CSGALNACT2: variants seen among roughly 807,000 people sequenced by gnomAD.
The protein encoded by CSGALNACT2 is chondroitin sulfate N-acetylgalactosaminyltransferase 2.
In CSGALNACT2, 35 loss-of-function variants were observed where a neutral mutation model predicts 55.3. The ratio of observed to expected loss-of-function variants is 0.63; its 90% CI spans 0.48 to 0.84. The LOEUF is 0.84. CSGALNACT2 is among the 40% of genes least tolerant of loss of function. The pLI is 0.00. For synonymous variants in CSGALNACT2, 196 were observed against 224.9 expected, an observed-to-expected ratio of 0.87 and a Z score of 1.15; for missense variants, 544 against 657.5, an observed-to-expected ratio of 0.83 and a Z score of 1.89.
intron 1 of CSGALNACT2, among the ~76,000 whole-genome samples, chr10:43,141,574 G>A (rs1160442795): frequency 7.3e-5 from 2 of 27,324 alleles, no homozygotes; most frequent in African/African-American, 3.8e-4. Context: ...AGCTGTTCAG[G>A]CAGTGGAGGC....
At chr10:43,170,166 GA>G (rs1839354983) in intron 6 of CSGALNACT2, among the ~76,000 whole-genome samples, 1 of 152,230 alleles carries the variant, frequency 6.6e-6, no homozygotes, top group Non-Finnish European at 1.5e-5. Context: ...TTGGGATTAA[GA>G]TGTCAGCGGG....
At position 43,152,508 on chromosome 10, in the gene CSGALNACT2, T is replaced by A. The variant is rs12241859; in HGVS notation, c.-253-2389T>A. The stretch of plus-strand genomic sequence containing the variant: ...ATATTAAGTAGGATATCTCAAAACC[T>A]GTATTTCCCTTAAAGGGAAGAGGAA... On this transcript the variant is annotated intron_variant, in intron 1 of 7. Coordinates refer to ENST00000374466, the MANE Select transcript of CSGALNACT2 (RefSeq NM_018590.5). Among the ~76,000 whole-genome samples, 187 of 152,328 alleles carry A rather than the reference T, an allele frequency of 1.2e-3. 2 individuals carry two copies. Among genetic ancestry groups the A allele is most frequent in the African/African-American group, 4.4e-3 (181 of 41,590 alleles).
intron 1 of CSGALNACT2, among the ~76,000 whole-genome samples, chr10:43,145,605 C>T: frequency 6.6e-6 from 1 of 151,870 alleles, no homozygotes; most frequent in Non-Finnish European, 1.5e-5. Context: ...GGCAAGGTCT[C>T]GCTAGCTATA....
chr10:43,140,990 A>G (rs2133084156), intron 1 of CSGALNACT2, among the ~76,000 whole-genome samples: 1 of 152,360 alleles, frequency 6.6e-6, no homozygotes, highest in Non-Finnish European at 1.5e-5. Context: ...TAAAGTAAGT[A>G]TTAGTATCTT....
intron 7 of CSGALNACT2, among the ~76,000 whole-genome samples, chr10:43,179,097 A>C (rs1464508773): frequency 6.6e-6 from 1 of 151,942 alleles, no homozygotes; most frequent in Non-Finnish European, 1.5e-5. Context: ...CTTTATTAAT[A>C]CTCTATGTGA....
chr10:43,166,251 G>C (rs1214095635), intron 5 of CSGALNACT2, among the ~76,000 whole-genome samples: 1 of 152,202 alleles, frequency 6.6e-6, no homozygotes, highest in Non-Finnish European at 1.5e-5. Context: ...ATCCCTAAAT[G>C]TATTTGAACA....
In CSGALNACT2 at chr10:43,146,788, A is replaced by G. The variant is rs1838758525; in HGVS notation, c.-253-8109A>G. On this transcript the variant is annotated intron_variant, in intron 1 of 7. Transcript: ENST00000374466. ...CTTGTTAAGTTCATAACTTATTAAC[A>G]AAACTATTTTATATTCCCATCAGCA... Among the ~76,000 whole-genome samples, 3 of 151,820 alleles carry G rather than the reference A, an allele frequency of 2.0e-5. No homozygotes were observed. In the South Asian group the frequency reaches 6.2e-4, roughly 32 times the overall value.
chr10:43,138,623 C>G (rs907607908), intron 1 of CSGALNACT2, 56 bp downstream of exon 1: 1 of 151,332 alleles, frequency 6.6e-6, no homozygotes, highest in South Asian at 2.1e-4. Flanking sequence ...GGCTCCGGCC[C>G]GGGCGGTGCG....
intron 6 of CSGALNACT2, among the ~76,000 whole-genome samples, chr10:43,171,983 G>A (rs1839391178): frequency 6.6e-6 from 1 of 152,168 alleles, no homozygotes; most frequent in Non-Finnish European, 1.5e-5. Flanking sequence ...TCTGCTGTTA[G>A]GTCACTGCTT....
intron 5 of CSGALNACT2, among the ~76,000 whole-genome samples, chr10:43,166,576 T>A (rs1741464831): frequency 6.6e-6 from 1 of 152,250 alleles, no homozygotes; most frequent in South Asian, 2.1e-4. Flanking sequence ...TATCTATTCA[T>A]TGTACAGTAT....
At chr10:43,178,349 A>G (rs774954547) in intron 7 of CSGALNACT2, among the ~76,000 whole-genome samples, 9 of 152,186 alleles carry the variant, frequency 5.9e-5, no homozygotes, top group Non-Finnish European at 1.2e-4. Flanking sequence ...CAGGCCAGGC[A>G]CGGTGGCTCA....
intron 4 of CSGALNACT2, chr10:43,163,216 G>A (rs1839189940): frequency 2.0e-6 from 2 of 984,816 alleles, no homozygotes; most frequent in African/African-American, 3.5e-5. Flanking sequence ...CTCCAGACAT[G>A]AGCGATGTAT....
At chr10:43,177,952 CA>C (rs763825878) in intron 7 of CSGALNACT2, among the ~76,000 whole-genome samples, 1 of 152,210 alleles carries the variant, frequency 6.6e-6, no homozygotes, top group Non-Finnish European at 1.5e-5. Context: ...TTTCTAGTAT[CA>C]CCCATGATAG....
intron 1 of CSGALNACT2, among the ~76,000 whole-genome samples, chr10:43,140,472 A>G (rs1328286547): frequency 6.6e-6 from 1 of 152,216 alleles, no homozygotes; most frequent in African/African-American, 2.4e-5. Flanking sequence ...TGATTCATTC[A>G]TTACCATGTT....
intron 7 of CSGALNACT2, among the ~76,000 whole-genome samples, chr10:43,178,305 T>C (rs1188134840): frequency 6.6e-6 from 1 of 152,210 alleles, no homozygotes. Flanking sequence ...CCATATACTT[T>C]AAACCATCTC....
At chr10:43,160,412 G>A (rs1310232043) in intron 3 of CSGALNACT2, 82 bp from the exon 4 acceptor site, 2 of 722,900 alleles carry the variant, frequency 2.8e-6, no homozygotes, top group East Asian at 2.5e-5. Context: ...TCATTTTCTT[G>A]TTAAAGCTTC....
chr10:43,180,468 A>G (rs753985179), intron 7 of CSGALNACT2, among the ~76,000 whole-genome samples: 5 of 152,006 alleles, frequency 3.3e-5, no homozygotes, highest in Admixed American at 6.6e-5. Flanking sequence ...AATTCCTTAG[A>G]TCCATCTCAC....
intron 2 of CSGALNACT2, among the ~76,000 whole-genome samples, chr10:43,157,381 A>G (rs1173475021): frequency 2.0e-5 from 3 of 152,138 alleles, no homozygotes; most frequent in Non-Finnish European, 4.4e-5. Context: ...CTTTTCCTCT[A>G]CTGTGCCACT....
intron 7 of CSGALNACT2, among the ~76,000 whole-genome samples, chr10:43,182,877 A>C (rs1370327469): frequency 4.9e-5 from 2 of 40,640 alleles, no homozygotes; most frequent in African/African-American, 1.9e-4. Flanking sequence ...CCTGTCTCAA[A>C]AAAAAAAACA....
Sources: gnomAD v4.1 joint callset for allele counts (sites outside exome capture counted in the v4.1 genomes callset) on GRCh38, gnomAD v4.1.1 for gene constraint, MANE v1.5 for transcripts, NCBI Gene and HGNC (gene_info 2026-07-23, HGNC 2026-07-21) for gene names.